RIMS2: variants seen among roughly 807,000 people sequenced by gnomAD.
RIMS2 encodes the protein regulating synaptic membrane exocytosis 2.
Under a neutral mutation model 174.4 loss-of-function variants are expected in RIMS2, and 59 were observed. The observed-to-expected ratio is 0.34, with a 90% CI of 0.27 to 0.42. The LOEUF is 0.42. RIMS2 is among the 10% of genes least tolerant of loss of function. The pLI is 1.00. For missense variants in RIMS2, 1,620 were observed against 1,666.3 expected (o/e 0.97, Z 0.48); for synonymous variants, 606 against 572.5 (o/e 1.06, Z -0.84).
intron 16 of RIMS2, among the ~76,000 whole-genome samples, chr8:103,981,500 T>A (rs969972337): frequency 6.6e-6 from 1 of 152,124 alleles, no homozygotes; most frequent in Non-Finnish European, 1.5e-5. Context: ...TCTATAAGCA[T>A]TAGGATCATC....
chr8:103,597,632 A>G (rs2094528227), intron 1 of RIMS2, among the ~76,000 whole-genome samples: 1 of 152,050 alleles, frequency 6.6e-6, no homozygotes, highest in South Asian at 2.1e-4. Context: ...ACTCTTTTAT[A>G]TATAGAACTA....
At chr8:103,897,144 C>T (rs1308828835) in intron 4 of RIMS2, among the ~76,000 whole-genome samples, 2 of 151,598 alleles carry the variant, frequency 1.3e-5, no homozygotes, top group African/African-American at 4.9e-5. Flanking sequence ...AATTTTTTTC[C>T]CTTGTTGGCC....
chr8:103,775,554 ATGCT>A (rs2098305523), intron 3 of RIMS2, among the ~76,000 whole-genome samples: 1 of 152,116 alleles, frequency 6.6e-6, no homozygotes, highest in Non-Finnish European at 1.5e-5. Flanking sequence ...CATTCAATAA[ATGCT>A]TGGTGCATAT....
At chr8:103,523,205 G>A (rs976832556) in intron 1 of RIMS2, among the ~76,000 whole-genome samples, 3 of 151,936 alleles carry the variant, frequency 2.0e-5, no homozygotes, top group Non-Finnish European at 2.9e-5. Context: ...TTTACATAGA[G>A]GATGTCTTGA....
Position 103,757,002 on chromosome 8 carries a change from TGTGTGTGTGAGA to T in RIMS2, c.388-9223_388-9212del, listed in dbSNP as rs746351652. Among the ~76,000 whole-genome samples, 8 of 144,292 alleles carry T rather than the reference TGTGTGTGTGAGA, an allele frequency of 5.5e-5. No individual in the cohort carries two copies. In the South Asian group the frequency reaches 8.6e-4, roughly 16 times the overall value. 94.7% of individuals were successfully genotyped at this position (144,292 alleles called of 152,430 possible). On this transcript the variant is annotated intron_variant, in intron 2 of 23. Transcript: ENST00000504942. ...GTCTGTGTGTGTGTGTGTGTGTGTG[TGTGTGTGTGAGA>T]GAGAGAGAGAGAGAGAGAGAGAGAT...
At chr8:104,213,706 G>A (rs1312155687) in intron 19 of RIMS2, among the ~76,000 whole-genome samples, 2 of 151,904 alleles carry the variant, frequency 1.3e-5, no homozygotes, top group Non-Finnish European at 2.9e-5. Flanking sequence ...GTGAAACCCC[G>A]TCTCTACTAA....
intron 2 of RIMS2, among the ~76,000 whole-genome samples, chr8:103,741,185 C>G (rs1412632203): frequency 5.3e-5 from 8 of 151,848 alleles, no homozygotes; most frequent in Non-Finnish European, 1.0e-4. Context: ...CTTGATGAGA[C>G]AAAAGGGACT....
chr8:103,515,298 A>C (rs1400423343), intron 1 of RIMS2, among the ~76,000 whole-genome samples: 1 of 152,198 alleles, frequency 6.6e-6, no homozygotes, highest in Non-Finnish European at 1.5e-5. Flanking sequence ...CTTTGAATCT[A>C]TAAACTTTGT....
intron 19 of RIMS2, 38 bp from the exon 26 acceptor site, chr8:104,244,878 T>C: frequency 6.4e-7 from 1 of 1,574,668 alleles, no homozygotes; most frequent in Non-Finnish European, 8.7e-7. Context: ...CACATAGTGA[T>C]TACAAAGCTG....
intron 19 of RIMS2, among the ~76,000 whole-genome samples, chr8:104,184,936 G>GAT (rs10640021): frequency 0.84 from 127,091 of 151,098 alleles, 53,994 homozygotes; most frequent in East Asian, 1. Context: ...GGAAGAAAAA[G>GAT]AGAAATTTAT....
chr8:103,685,522 G>A (rs2096931187), intron 1 of RIMS2, among the ~76,000 whole-genome samples: 1 of 151,684 alleles, frequency 6.6e-6, no homozygotes, highest in East Asian at 1.9e-4. Flanking sequence ...AGATTTAGAG[G>A]GTACAAAACA....
At position 104,251,006 on chromosome 8, in the gene RIMS2, T is replaced by C; in HGVS notation, c.3692-18T>C. On this transcript the variant is annotated intron_variant, in intron 22 of 23. Coordinates refer to ENST00000504942, the Ensembl canonical transcript of RIMS2. ...CCATAGTTTATTGCTCATTCTCCTC[T>C]GTGTTTTCTTTCCCAAGCACCGTAT... 4 of 1,607,898 alleles carry C rather than the reference T, an allele frequency of 2.5e-6. No individual in the cohort carries two copies. In the South Asian group the frequency reaches 4.4e-5, roughly 18 times the overall value.
chr8:103,910,634 G>A, intron 5 of RIMS2, 105 bp downstream of exon 8: 1 of 644,974 alleles, frequency 1.6e-6, no homozygotes, highest in Non-Finnish European at 2.6e-6. Context: ...GCATCTCAAG[G>A]GTCACTGTAG....
chr8:104,190,469 C>T (rs2098991811), intron 19 of RIMS2, among the ~76,000 whole-genome samples: 1 of 152,030 alleles, frequency 6.6e-6, no homozygotes, highest in Non-Finnish European at 1.5e-5. Flanking sequence ...TCATTTAGCT[C>T]CTATATGATA....
intron 16 of RIMS2, among the ~76,000 whole-genome samples, chr8:103,987,998 T>G (rs1481951812): frequency 2.0e-5 from 3 of 152,200 alleles, no homozygotes; most frequent in Non-Finnish European, 4.4e-5. Context: ...TTCCATAAAT[T>G]AATTTATAAA....
rs148540254 is a variant in RIMS2, at chr8:103,635,947, T to C, written c.177-61139T>C. ...GTTGGAGGCCTTAGTTGGGAGGTCT[T>C]GCCCAGTGAGGAGAAACAGGATCAG... On this transcript the variant is annotated intron_variant, in intron 1 of 23. Coordinates refer to ENST00000504942, the Ensembl canonical transcript of RIMS2. 6.4e-3 allele frequency among the ~76,000 whole-genome samples: 975 copies of C among 152,122 alleles called. 11 individuals carry two copies. The highest frequency in any genetic ancestry group is 0.022 in the African/African-American group (906 of 41,488).
chr8:103,552,502 GA>G (rs1848477065), intron 1 of RIMS2, among the ~76,000 whole-genome samples: 1 of 152,160 alleles, frequency 6.6e-6, no homozygotes. Context: ...AACGCTAGAA[GA>G]AAACCTAGGC....
chr8:104,231,087 C>A (rs1271783015), intron 19 of RIMS2, among the ~76,000 whole-genome samples: 1 of 152,162 alleles, frequency 6.6e-6, no homozygotes, highest in African/African-American at 2.4e-5. Context: ...CCCAACTTTT[C>A]TCAGTTCTCG....
chr8:103,720,012 G>A (rs1448770419), intron 2 of RIMS2, among the ~76,000 whole-genome samples: 1 of 152,096 alleles, frequency 6.6e-6, no homozygotes, highest in East Asian at 1.9e-4. Flanking sequence ...AAGTTCACTT[G>A]TTAGTTGTTA....
Sources: gnomAD v4.1 joint callset for allele counts (sites outside exome capture counted in the v4.1 genomes callset) on GRCh38, gnomAD v4.1.1 for gene constraint, MANE v1.5 for transcripts, NCBI Gene and HGNC (gene_info 2026-07-23, HGNC 2026-07-21) for gene names.